Variants in ARID4B observed in about 807,000 individuals in gnomAD.
The protein encoded by ARID4B is AT-rich interaction domain 4B, also known as AT-rich interactive domain-containing protein 4B.
In ARID4B, 26 loss-of-function variants were observed where a neutral mutation model predicts 147.5. The observed-to-expected ratio is 0.18, with a 90% CI of 0.13 to 0.24. The LOEUF is 0.24. Ranked by LOEUF, ARID4B falls within the 10% of genes least tolerant of loss-of-function variation. The probability of loss-of-function intolerance (pLI) is 1.00; values close to 1 mark genes in which losing one functional copy is unlikely to be tolerated. For synonymous variants in ARID4B, 512 were observed against 507.9 expected (o/e 1.01, Z -0.11); for missense variants, 1,179 against 1,511.5 (o/e 0.78, Z 3.65).
intron 20 of ARID4B, among the ~76,000 whole-genome samples, chr1:235,179,819 C>T (rs927162258): frequency 5.9e-5 from 9 of 151,726 alleles, no homozygotes; most frequent in Non-Finnish European, 1.0e-4. Context: ...GCCTGTAATC[C>T]TAGCACTTTG....
intron 2 of ARID4B, among the ~76,000 whole-genome samples, chr1:235,316,383 C>A (rs1266711446): frequency 6.6e-6 from 1 of 151,926 alleles, no homozygotes; most frequent in Non-Finnish European, 1.5e-5. Flanking sequence ...GTGGCACACG[C>A]CTGTAATCCC....
In ARID4B at chr1:235,174,572, G is replaced by A. The variant is rs552281305; in HGVS notation, c.3664+612C>T. Among the ~76,000 whole-genome samples, 141 of 152,000 alleles carry A rather than the reference G, an allele frequency of 9.3e-4. 1 individual carries two copies. The highest frequency in any genetic ancestry group is 3.3e-3 in the African/African-American group (136 of 41,478). On this transcript the variant is annotated intron_variant, in intron 22 of 23. Transcript: ENST00000264183. ...TCCCAGCACTTTGCGAGGCAGAGGC[G>A]GATGGATCACCTGAGGTCAGGAGTT...
Position 235,181,984 on chromosome 1 carries a change from A to G in ARID4B, c.2935T>C (p.Ser979Pro). ...GGTTTTTCTAGTTCTACACTGGGTGAACAACTCTCCTCTTCAGCCACAGTC... is the reference window on the plus strand; with the variant it reads ...GGTTTTTCTAGTTCTACACTGGGTGGACAACTCTCCTCTTCAGCCACAGTC... Reference protein sequence around the residue: ...LQTVAEEESCSPSVELEKPPP... With the variant: ...LQTVAEEESCPPSVELEKPPP... The change falls in exon 20 of 24, where the codon TCA (serine) becomes CCA (proline). Residue 979 changes from serine to proline, a missense_variant. Coordinates refer to ENST00000264183, the MANE Select transcript of ARID4B (RefSeq NM_016374.6). 1 of 1,614,114 alleles carries G rather than the reference A, an allele frequency of 6.2e-7. No homozygotes were observed. The highest frequency in any genetic ancestry group is 8.5e-7 in the Non-Finnish European group (1 of 1,180,032).
intron 3 of ARID4B, among the ~76,000 whole-genome samples, chr1:235,259,969 C>T (rs1359453806): frequency 6.6e-6 from 1 of 152,154 alleles, no homozygotes; most frequent in Admixed American, 6.5e-5. Flanking sequence ...AAGTTCCCTG[C>T]AAAAGGTTTG....
chr1:235,236,290 A>G (rs1336849485), intron 8 of ARID4B, among the ~76,000 whole-genome samples: 1 of 152,118 alleles, frequency 6.6e-6, no homozygotes, highest in African/African-American at 2.4e-5. Flanking sequence ...AACATACATC[A>G]ATAATTCTAA....
chr1:235,317,323 A>G (rs1458522958), intron 2 of ARID4B, among the ~76,000 whole-genome samples: 7 of 152,232 alleles, frequency 4.6e-5, no homozygotes, highest in Admixed American at 3.9e-4. Context: ...GGTTTCATCA[A>G]GAATCTGATG....
intron 2 of ARID4B, among the ~76,000 whole-genome samples, chr1:235,273,474 G>A (rs532364751): frequency 1.8e-4 from 28 of 152,104 alleles, no homozygotes; most frequent in Non-Finnish European, 4.1e-4. Context: ...GTCACTAATT[G>A]TAAACCACAC....
intron 7 of ARID4B, among the ~76,000 whole-genome samples, chr1:235,243,000 T>C (rs908030180): frequency 2.6e-5 from 4 of 152,174 alleles, no homozygotes; most frequent in African/African-American, 9.6e-5. Context: ...TTCTTTTTTT[T>C]CACACCAAGT....
chr1:235,200,170 T>G (rs1665795061), intron 17 of ARID4B, among the ~76,000 whole-genome samples: 1 of 151,282 alleles, frequency 6.6e-6, no homozygotes, highest in South Asian at 2.1e-4. Flanking sequence ...AAGATAAAAA[T>G]TAGGCCGGGC....
chr1:235,325,792 TA>T (rs1247050597), intron 2 of ARID4B, among the ~76,000 whole-genome samples: 1 of 152,168 alleles, frequency 6.6e-6, no homozygotes, highest in African/African-American at 2.4e-5. Context: ...GAGAAAACCT[TA>T]AAAAAATTAG....
At chr1:235,317,070 GA>G (rs1366954506) in intron 2 of ARID4B, among the ~76,000 whole-genome samples, 1 of 152,098 alleles carries the variant, frequency 6.6e-6, no homozygotes, top group African/African-American at 2.4e-5. Flanking sequence ...TACTCAACCT[GA>G]TTAAGCATTT....
chr1:235,220,090 T>C (rs1667352727), intron 15 of ARID4B, 122 bp from the exon 16 acceptor site: 1 of 802,640 alleles, frequency 1.2e-6, no homozygotes, highest in East Asian at 3.1e-5. Context: ...TAAATTACTT[T>C]TAAGAAACTC....
chr1:235,192,363 AT>A, intron 19 of ARID4B, among the ~76,000 whole-genome samples: 1 of 152,250 alleles, frequency 6.6e-6, no homozygotes, highest in Non-Finnish European at 1.5e-5. Context: ...AGTAAATAGT[AT>A]TTGATTGCTA....
At chr1:235,236,153 T>C (rs1668539340) in intron 8 of ARID4B, among the ~76,000 whole-genome samples, 1 of 152,092 alleles carries the variant, frequency 6.6e-6, no homozygotes, top group Non-Finnish European at 1.5e-5. Context: ...AAAAATAACA[T>C]AAATTAGAAA....
At chr1:235,283,529 A>G (rs930905729) in intron 2 of ARID4B, among the ~76,000 whole-genome samples, 2 of 152,194 alleles carry the variant, frequency 1.3e-5, no homozygotes, top group Non-Finnish European at 2.9e-5. Context: ...TGGATTTTCC[A>G]TACTTTCTAC....
At chr1:235,303,212 C>T (rs1051714913) in intron 2 of ARID4B, among the ~76,000 whole-genome samples, 31 of 152,146 alleles carry the variant, frequency 2.0e-4, no homozygotes, top group African/African-American at 7.0e-4. Context: ...CCTGAGCCAC[C>T]ACACCCGGCC....
chr1:235,265,763 C>T (rs947796235), intron 2 of ARID4B, among the ~76,000 whole-genome samples: 1 of 151,888 alleles, frequency 6.6e-6, no homozygotes, highest in Non-Finnish European at 1.5e-5. Flanking sequence ...CAAATCTATC[C>T]CTTAGTAGTG....
chr1:235,298,947 AT>A (rs919314517), intron 2 of ARID4B, among the ~76,000 whole-genome samples: 1 of 117,030 alleles, frequency 8.5e-6, no homozygotes, highest in Non-Finnish European at 1.8e-5. Context: ...CATTTCATTC[AT>A]TAAAAACTGC....
intron 5 of ARID4B, among the ~76,000 whole-genome samples, chr1:235,255,259 A>ATCTATCTATCTATCTATCTATC (rs375747308): frequency 1.1e-5 from 1 of 91,554 alleles, no homozygotes; most frequent in Non-Finnish European, 2.6e-5. Flanking sequence ...AGATAGATAG[A>ATCTATCTATCTATCTATCTATC]TAGATATATA....
Sources: allele counts gnomAD v4.1 joint callset (sites outside exome capture counted in the v4.1 genomes callset), GRCh38; gene constraint gnomAD v4.1.1; transcripts MANE v1.5; gene names NCBI Gene and HGNC (gene_info 2026-07-23, HGNC 2026-07-21).